CDK14: variants seen among roughly 807,000 people sequenced by gnomAD.
CDK14 encodes cyclin dependent kinase 14.
CDK14 carries 34 observed loss-of-function variants against 60.7 expected under a neutral mutation model. That is an observed-to-expected ratio of 0.56 (90% CI 0.43 to 0.75). The LOEUF is 0.75. CDK14 is among the 30% of genes least tolerant of loss of function. The pLI is 0.00. For synonymous variants in CDK14, 197 were observed against 203.7 expected (o/e 0.97, Z 0.28); for missense variants, 482 against 564.1 (o/e 0.85, Z 1.47).
chr7:90,819,516 A>T (rs1789470247), intron 5 of CDK14, among the ~76,000 whole-genome samples: 1 of 151,996 alleles, frequency 6.6e-6, no homozygotes, highest in Non-Finnish European at 1.5e-5. Context: ...ATGGAAAGAA[A>T]CATGTAGAAA....
intron 9 of CDK14, among the ~76,000 whole-genome samples, chr7:90,960,039 A>G (rs1173692159): frequency 1.3e-5 from 2 of 152,184 alleles, no homozygotes; most frequent in Non-Finnish European, 2.9e-5. Flanking sequence ...TGAAAGCCAC[A>G]TTAAGAGAAG....
chr7:91,057,018 CCCA>C (rs1797594822), intron 11 of CDK14, among the ~76,000 whole-genome samples: 3 of 152,046 alleles, frequency 2.0e-5, no homozygotes, highest in African/African-American at 7.3e-5. Context: ...AGTTTACAGT[CCCA>C]CCAACAGTGT....
At chr7:90,848,066 A>G (rs1291135986) in intron 5 of CDK14, among the ~76,000 whole-genome samples, 1 of 151,826 alleles carries the variant, frequency 6.6e-6, no homozygotes, top group Non-Finnish European at 1.5e-5. Flanking sequence ...TTTTGTGTGT[A>G]TGTTGGGGGT....
chr7:91,095,574 G>A (rs1030434536), intron 12 of CDK14, among the ~76,000 whole-genome samples: 1 of 152,014 alleles, frequency 6.6e-6, no homozygotes, highest in Admixed American at 6.6e-5. Context: ...AAAAGACTTG[G>A]TATCAACTTA....
At chr7:90,639,709 C>G (rs1044782931) in intron 2 of CDK14, among the ~76,000 whole-genome samples, 1 of 147,944 alleles carries the variant, frequency 6.8e-6, no homozygotes, top group Non-Finnish European at 1.5e-5. Context: ...TTGTCTGTGC[C>G]CTGCCCCCAG....
At chr7:90,990,421 A>T (rs1290470154) in intron 10 of CDK14, among the ~76,000 whole-genome samples, 1 of 152,230 alleles carries the variant, frequency 6.6e-6, no homozygotes, top group African/African-American at 2.4e-5. Flanking sequence ...TAGAAAAACA[A>T]ATAGGGACAA....
At chr7:90,890,564 C>A (rs1015487426) in intron 6 of CDK14, among the ~76,000 whole-genome samples, 2 of 152,136 alleles carry the variant, frequency 1.3e-5, no homozygotes, top group Non-Finnish European at 2.9e-5. Context: ...TATTGGAACT[C>A]ACATTATAAT....
chr7:91,149,677 G>C (rs1800775153), intron 14 of CDK14, among the ~76,000 whole-genome samples: 1 of 152,190 alleles, frequency 6.6e-6, no homozygotes, highest in Admixed American at 6.5e-5. Flanking sequence ...TTCAAAGCAT[G>C]ATGATGACAT....
At chr7:90,930,379 C>A (rs1158393490) in intron 8 of CDK14, among the ~76,000 whole-genome samples, 2 of 152,090 alleles carry the variant, frequency 1.3e-5, no homozygotes, top group African/African-American at 4.8e-5. Flanking sequence ...ATTTTGTCAG[C>A]CTTGGCTATA....
chr7:91,029,734 A>ATT (rs1796706592), intron 10 of CDK14, among the ~76,000 whole-genome samples: 1 of 151,182 alleles, frequency 6.6e-6, no homozygotes, highest in Non-Finnish European at 1.5e-5. Context: ...AGTGCTACTG[A>ATT]TTTGTGTACA....
At chr7:91,018,631 A>C (rs1290931896) in intron 10 of CDK14, among the ~76,000 whole-genome samples, 1 of 152,112 alleles carries the variant, frequency 6.6e-6, no homozygotes, top group Non-Finnish European at 1.5e-5. Flanking sequence ...AGGTGATTGG[A>C]TCATGGGTGG....
chr7:90,613,502 C>T (rs1166371158), intron 2 of CDK14, among the ~76,000 whole-genome samples: 4 of 151,788 alleles, frequency 2.6e-5, no homozygotes, highest in African/African-American at 7.3e-5. Flanking sequence ...GCCTGGCCAA[C>T]GTAGTGAAAC....
chr7:90,893,991 T>C (rs1792219169), intron 6 of CDK14, among the ~76,000 whole-genome samples: 2 of 152,166 alleles, frequency 1.3e-5, no homozygotes, highest in African/African-American at 4.8e-5. Flanking sequence ...TAAATGCAAC[T>C]CCTAGAAGTT....
At chr7:91,110,805 A>G (rs899185177) in intron 12 of CDK14, among the ~76,000 whole-genome samples, 5 of 152,226 alleles carry the variant, frequency 3.3e-5, no homozygotes, top group African/African-American at 1.2e-4. Flanking sequence ...TAAAATTGAT[A>G]TGAACATACT....
chr7:90,696,745 A>T (rs2093375663), intron 2 of CDK14, among the ~76,000 whole-genome samples: 3 of 152,134 alleles, frequency 2.0e-5, no homozygotes, highest in Admixed American at 1.3e-4. Flanking sequence ...GAGTCACCTA[A>T]AGAGGGAGTG....
intron 10 of CDK14, among the ~76,000 whole-genome samples, chr7:90,996,259 C>T (rs1309061794): frequency 1.3e-5 from 2 of 152,092 alleles, no homozygotes; most frequent in Non-Finnish European, 2.9e-5. Context: ...CTGTTTTCCA[C>T]TCTCATTTTG....
chr7:90,765,175 G>A (rs926077860), intron 4 of CDK14, among the ~76,000 whole-genome samples: 1 of 152,176 alleles, frequency 6.6e-6, no homozygotes, highest in Non-Finnish European at 1.5e-5. Context: ...AGGCCTACTG[G>A]GAGTCCCAAA....
At chr7:90,659,069 G>A (rs888566621) in intron 2 of CDK14, among the ~76,000 whole-genome samples, 5 of 152,146 alleles carry the variant, frequency 3.3e-5, no homozygotes, top group African/African-American at 1.2e-4. Context: ...GGATTTTGGG[G>A]CATAGTGTTA....
chr7:91,031,680 A>G (rs543857004), intron 10 of CDK14, among the ~76,000 whole-genome samples: 1 of 152,306 alleles, frequency 6.6e-6, no homozygotes, highest in South Asian at 2.1e-4. Context: ...TTAAAATAAA[A>G]TTCCCTGCAT....
Sources: allele counts gnomAD v4.1 joint callset (sites outside exome capture counted in the v4.1 genomes callset), GRCh38; gene constraint gnomAD v4.1.1; transcripts MANE v1.5; gene names NCBI Gene and HGNC (gene_info 2026-07-23, HGNC 2026-07-21).